C13orf42: variants seen among roughly 807,000 people sequenced by gnomAD.
C13orf42 encodes the protein chromosome 13 open reading frame 42, also known as uncharacterized protein C13orf42.
upstream of C13orf42, among the ~76,000 whole-genome samples, chr13:51,112,475 C>T (rs902044753): frequency 2.6e-5 from 4 of 152,084 alleles, no homozygotes; most frequent in Non-Finnish European, 4.4e-5. Flanking sequence ...AGAACAATAA[C>T]GATACTTTTC....
chr13:51,153,628 T>TG (rs1953800698), intron 1 of C13orf42, among the ~76,000 whole-genome samples: 3 of 141,262 alleles, frequency 2.1e-5, no homozygotes, highest in Admixed American at 7.1e-5. Flanking sequence ...TCTGTTTTTT[T>TG]TCTTTTTTTT....
chr13:51,121,623 C>T (rs1189722010), intron 1 of C13orf42, among the ~76,000 whole-genome samples: 1 of 151,704 alleles, frequency 6.6e-6, no homozygotes, highest in African/African-American at 2.4e-5. Flanking sequence ...GCAACCTCCA[C>T]CTCCCGGGTT....
intron 1 of C13orf42, among the ~76,000 whole-genome samples, chr13:51,161,459 A>G (rs749750340): frequency 3.3e-5 from 5 of 152,064 alleles, no homozygotes; most frequent in Non-Finnish European, 7.4e-5. Flanking sequence ...CCTTTCATAC[A>G]CAAACCAACC....
At chr13:51,164,332 G>A (rs1953889229) in intron 1 of C13orf42, among the ~76,000 whole-genome samples, 1 of 152,166 alleles carries the variant, frequency 6.6e-6, no homozygotes. Flanking sequence ...AAGTAGGCAT[G>A]TTCAAAGTCT....
At chr13:51,135,354 C>T (rs1953649746) in intron 1 of C13orf42, among the ~76,000 whole-genome samples, 1 of 152,176 alleles carries the variant, frequency 6.6e-6, no homozygotes, top group Non-Finnish European at 1.5e-5. Context: ...ATTCCTCACC[C>T]CCTTGGCAGG....
intron 1 of C13orf42, among the ~76,000 whole-genome samples, chr13:51,131,967 T>C (rs1953620551): frequency 6.6e-6 from 1 of 152,220 alleles, no homozygotes; most frequent in Non-Finnish European, 1.5e-5. Context: ...ATGGGTAATA[T>C]AAAAATCTGG....
intron 1 of C13orf42, among the ~76,000 whole-genome samples, chr13:51,164,364 TA>T (rs780817716): frequency 3.3e-5 from 5 of 152,108 alleles, no homozygotes; most frequent in Non-Finnish European, 7.4e-5. Context: ...AATGCACCAT[TA>T]AAAACATAAA....
chr13:51,156,821 G>A (rs1003714193), intron 1 of C13orf42, among the ~76,000 whole-genome samples: 4 of 141,768 alleles, frequency 2.8e-5, no homozygotes, highest in African/African-American at 9.4e-5. Flanking sequence ...TTTCCACACT[G>A]TAATTGTCTG....
chr13:51,137,629 C>A (rs899953484), intron 1 of C13orf42, among the ~76,000 whole-genome samples: 3 of 152,168 alleles, frequency 2.0e-5, no homozygotes, highest in Admixed American at 6.5e-5. Flanking sequence ...GGGGCCCTTC[C>A]CTTTCTCTTT....
At chr13:51,132,209 G>A (rs988069713) in intron 1 of C13orf42, among the ~76,000 whole-genome samples, 11 of 152,162 alleles carry the variant, frequency 7.2e-5, no homozygotes, top group Non-Finnish European at 1.0e-4. Flanking sequence ...TTGGGAGGCC[G>A]AGGCGGGCAG....
chr13:51,135,368 C>CAGT (rs892655801), intron 1 of C13orf42, among the ~76,000 whole-genome samples: 2 of 152,174 alleles, frequency 1.3e-5, no homozygotes, highest in African/African-American at 2.4e-5. Context: ...TGGCAGGGCA[C>CAGT]AGTGGTTCAC....
intron 1 of C13orf42, among the ~76,000 whole-genome samples, chr13:51,169,631 A>G (rs1490153008): frequency 7.4e-6 from 1 of 135,848 alleles, no homozygotes; most frequent in East Asian, 2.0e-4. Context: ...CACTCTGTGC[A>G]GCCTGGGGAC....
At chr13:51,112,327 G>A (rs968246209), upstream of C13orf42, among the ~76,000 whole-genome samples, 6 of 152,228 alleles carry the variant, frequency 3.9e-5, no homozygotes, top group Middle Eastern at 3.4e-3. Flanking sequence ...TATTAGCATG[G>A]TTTATTTTTG....
At position 51,153,621 on chromosome 13, in the gene C13orf42, G is replaced by GTTTTTTTTTTTTTTTTTTTTTTTTTTTT. The variant is rs1202370498; in HGVS notation, n.136+18631_136+18632insAAAAAAAAAAAAAAAAAAAAAAAAAAAA. On this transcript the variant is annotated intron_variant and non_coding_transcript_variant, in intron 1 of 4. Transcript: ENST00000433280. ...TTATCAACCCATTTTCTTGCTTTCT[G>GTTTTTTTTTTTTTTTTTTTTTTTTTTTT]TTTTTTTTCTTTTTTTTTTTTTTTT... Among the ~76,000 whole-genome samples the GTTTTTTTTTTTTTTTTTTTTTTTTTTTT allele has an allele frequency of 8.5e-5, 7 of 82,014 alleles. 1 individual carries two copies. Among genetic ancestry groups the GTTTTTTTTTTTTTTTTTTTTTTTTTTTT allele is most frequent in the Non-Finnish European group, 1.6e-4 (6 of 38,228 alleles). 53.8% of individuals were successfully genotyped at this position (82,014 alleles called of 152,430 possible).
At chr13:51,100,330 C>T (rs534238317) in intron 1 of C13orf42, among the ~76,000 whole-genome samples, 21 of 152,074 alleles carry the variant, frequency 1.4e-4, no homozygotes, top group African/African-American at 1.7e-4. Context: ...CATCAGAAAA[C>T]GTCAAATAAA....
chr13:51,115,286 A>G (rs1953479571), upstream of C13orf42, among the ~76,000 whole-genome samples: 1 of 152,180 alleles, frequency 6.6e-6, no homozygotes, highest in African/African-American at 2.4e-5. Flanking sequence ...AGTTTTACCC[A>G]CTATCCTGAA....
At chr13:51,152,378 C>T (rs1021138883) in intron 1 of C13orf42, among the ~76,000 whole-genome samples, 11 of 152,198 alleles carry the variant, frequency 7.2e-5, no homozygotes, top group African/African-American at 2.7e-4. Flanking sequence ...GATGGGGTCT[C>T]ACTCTGTTGC....
intron 1 of C13orf42, among the ~76,000 whole-genome samples, chr13:51,140,106 A>G (rs1366091770): frequency 6.6e-6 from 1 of 152,192 alleles, no homozygotes; most frequent in African/African-American, 2.4e-5. Context: ...GCTCACTGAG[A>G]TAGGTGCATA....
Position 51,083,369 on chromosome 13 carries a change from G to T in C13orf42, c.*782C>A, listed in dbSNP as rs1364640448. ...TTCTCTTAACTGGGGAAAGGGAAAGGTGTGGCCTGTCATAAACTGGTTCCA... is the reference window on the plus strand; with the variant it reads ...TTCTCTTAACTGGGGAAAGGGAAAGTTGTGGCCTGTCATAAACTGGTTCCA... On this transcript the variant is annotated 3_prime_UTR_variant, in exon 4 of 4. Transcript: ENST00000563710. 1 of 152,188 alleles carries T rather than the reference G, an allele frequency of 6.6e-6. No homozygotes were observed. Among genetic ancestry groups the T allele is most frequent in the South Asian group, 2.1e-4 (1 of 4,826 alleles). 9.4% of individuals were successfully genotyped at this position (152,188 alleles called of 1,614,324 possible).
Sources: allele counts gnomAD v4.1 joint callset (sites outside exome capture counted in the v4.1 genomes callset), GRCh38; gene constraint gnomAD v4.1.1; transcripts MANE v1.5; gene names NCBI Gene and HGNC (gene_info 2026-07-23, HGNC 2026-07-21).